The following C2orf80 variants were observed in gnomAD, a reference collection of about 807,000 sequenced individuals.
C2orf80 encodes uncharacterized protein C2orf80.
In C2orf80, 28 loss-of-function variants were observed where a neutral mutation model predicts 30.2. The ratio of observed to expected loss-of-function variants is 0.93; its 90% confidence interval spans 0.69 to 1.27. The LOEUF (loss-of-function observed/expected upper bound fraction) is 1.27. Ranked by LOEUF, C2orf80 falls within the 50% of genes most tolerant of loss-of-function variation. C2orf80 has a pLI of 0.00. For missense variants in C2orf80, 220 were observed against 231.0 expected, an observed-to-expected ratio of 0.95 and a Z score of 0.31; for synonymous variants, 80 against 76.4, an observed-to-expected ratio of 1.05 and a Z score of -0.24.
At chr2:208,179,578 T>C (rs1417934175) in intron 6 of C2orf80, among the ~76,000 whole-genome samples, 1 of 152,138 alleles carries the variant, frequency 6.6e-6, no homozygotes, top group Non-Finnish European at 1.5e-5. Context: ...CTTCTGGAGG[T>C]ATCCAAAGGT....
At chr2:208,173,676 T>G (rs1243758512) in intron 6 of C2orf80, among the ~76,000 whole-genome samples, 2 of 151,942 alleles carry the variant, frequency 1.3e-5, no homozygotes, top group Non-Finnish European at 2.9e-5. Flanking sequence ...TGTGCAAAAT[T>G]AAACAATATA....
chr2:208,185,116 C>T (rs10804167), intron 2 of C2orf80, 84 bp from the exon 3 acceptor site: 635,154 of 861,790 alleles, frequency 0.74, 238,900 homozygotes, highest in East Asian at 0.97. Context: ...TCCCATCCCT[C>T]CCTCCCCCAC....
At chr2:208,175,487 C>A (rs568465310) in intron 6 of C2orf80, among the ~76,000 whole-genome samples, 9 of 152,166 alleles carry the variant, frequency 5.9e-5, no homozygotes, top group African/African-American at 2.2e-4. Flanking sequence ...AGCAATCCCG[C>A]GCCTATGACT....
At chr2:208,172,535 A>C (rs1382760190) in intron 6 of C2orf80, among the ~76,000 whole-genome samples, 1 of 152,184 alleles carries the variant, frequency 6.6e-6, no homozygotes, top group Non-Finnish European at 1.5e-5. Flanking sequence ...TTTAACAGGC[A>C]CTTTACAGAG....
At chr2:208,185,493 A>G (rs1696691427) in intron 2 of C2orf80, among the ~76,000 whole-genome samples, 2 of 152,210 alleles carry the variant, frequency 1.3e-5, no homozygotes, top group Non-Finnish European at 2.9e-5. Flanking sequence ...AAATACCCTT[A>G]GGAGGAGGAA....
intron 6 of C2orf80, 77 bp from the exon 7 acceptor site, chr2:208,172,152 C>T: frequency 8.8e-7 from 1 of 1,135,776 alleles, no homozygotes; most frequent in Admixed American, 1.7e-5. Flanking sequence ...CAGCATTTGG[C>T]CTATTTAATC....
chr2:208,182,485 A>G (rs1328873304), intron 4 of C2orf80, among the ~76,000 whole-genome samples: 1 of 152,208 alleles, frequency 6.6e-6, no homozygotes, highest in Non-Finnish European at 1.5e-5. Context: ...GGCTCACTGC[A>G]ACCTCTGCCT....
At chr2:208,179,120 T>G (rs1696468145) in intron 6 of C2orf80, among the ~76,000 whole-genome samples, 1 of 152,206 alleles carries the variant, frequency 6.6e-6, no homozygotes, top group African/African-American at 2.4e-5. Context: ...CCCCTGCACC[T>G]ACAATTATAC....
intron 8 of C2orf80, among the ~76,000 whole-genome samples, chr2:208,166,262 GA>G (rs1004234534): frequency 3.9e-5 from 6 of 151,992 alleles, no homozygotes; most frequent in African/African-American, 1.2e-4. Context: ...TAATGGCTCA[GA>G]AAAAAATTAT....
At chr2:208,177,560 CA>C (rs1235998413) in intron 6 of C2orf80, among the ~76,000 whole-genome samples, 2 of 151,748 alleles carry the variant, frequency 1.3e-5, no homozygotes, top group African/African-American at 4.8e-5. Context: ...AACAAACAAA[CA>C]AACAAAAACT....
chr2:208,170,312 C>G (rs1019155254), intron 8 of C2orf80, among the ~76,000 whole-genome samples: 1 of 152,176 alleles, frequency 6.6e-6, no homozygotes, highest in African/African-American at 2.4e-5. Context: ...TTTCTCTTCA[C>G]TTTGCACATT....
At chr2:208,179,786 A>G (rs1012825165) in intron 6 of C2orf80, among the ~76,000 whole-genome samples, 2 of 151,816 alleles carry the variant, frequency 1.3e-5, no homozygotes, top group African/African-American at 2.4e-5. Context: ...TGGAGTCAGA[A>G]CTCAAACCCA....
At chr2:208,170,873 A>T in intron 8 of C2orf80, 72 bp downstream of exon 8, 2 of 1,240,106 alleles carry the variant, frequency 1.6e-6, no homozygotes, top group Non-Finnish European at 2.4e-6. Context: ...CTAGACTTTT[A>T]ACCACGGTAT....
rs1214692560 is a variant in C2orf80, at chr2:208,183,046, GC to G, written c.124del (p.Ala42HisfsTer20). The G allele has an allele frequency of 6.2e-7, 1 of 1,613,644 alleles. No individual in the cohort carries two copies. The highest frequency in any genetic ancestry group is 8.5e-7 in the Non-Finnish European group (1 of 1,179,546). On this transcript the variant is annotated frameshift_variant and splice_region_variant, in exon 4 of 9. Transcript: ENST00000341287. LOFTEE classifies it high-confidence loss of function. ...RRQLTFLDDM[A>X]HYDLAISVAL... ...AACACTGATGGCCAAGTCATAGTGT[GC>G]CTGGGAGCAGGAAGCACAGAGAGCA... is the stretch of plus-strand genomic sequence containing the variant.
chr2:208,175,386 T>G (rs761461378), intron 6 of C2orf80, among the ~76,000 whole-genome samples: 2 of 152,174 alleles, frequency 1.3e-5, no homozygotes, highest in African/African-American at 2.4e-5. Flanking sequence ...ATTTTTTCTA[T>G]GAGTCCAGAA....
At chr2:208,186,778 C>G (rs1343589275) in intron 2 of C2orf80, among the ~76,000 whole-genome samples, 168 bp downstream of exon 2, 1 of 152,158 alleles carries the variant, frequency 6.6e-6, no homozygotes, top group Non-Finnish European at 1.5e-5. Flanking sequence ...ACAGGTGAGG[C>G]CTCCCTGGCA....
intron 1 of C2orf80, among the ~76,000 whole-genome samples, chr2:208,189,491 G>T (rs1267060260): frequency 1.3e-5 from 2 of 152,176 alleles, no homozygotes. Flanking sequence ...ATTTGCCTAT[G>T]TTTTTTCATT....
intron 6 of C2orf80, among the ~76,000 whole-genome samples, chr2:208,176,002 A>G (rs1372040954): frequency 6.6e-6 from 1 of 152,156 alleles, no homozygotes; most frequent in Non-Finnish European, 1.5e-5. Context: ...AGACTCTTGT[A>G]TTGGTAATTC....
chr2:208,182,355 A>G (rs891998048), intron 4 of C2orf80, among the ~76,000 whole-genome samples: 1 of 152,194 alleles, frequency 6.6e-6, no homozygotes, highest in Non-Finnish European at 1.5e-5. Flanking sequence ...CATAGAACTG[A>G]CTGTTTTAAA....
Sources: gnomAD v4.1 joint callset for allele counts (sites outside exome capture counted in the v4.1 genomes callset) on GRCh38, gnomAD v4.1.1 for gene constraint, MANE v1.5 for transcripts, NCBI Gene and HGNC (gene_info 2026-07-23, HGNC 2026-07-21) for gene names.